The following KIAA1217 variants were observed in gnomAD, a reference collection of about 807,000 sequenced individuals.
KIAA1217 encodes the protein KIAA1217.
KIAA1217 carries 88 observed loss-of-function variants against 163.9 expected under a neutral mutation model. The ratio of observed to expected loss-of-function variants is 0.54; its 90% CI spans 0.45 to 0.64. The LOEUF (loss-of-function observed/expected upper bound fraction) is 0.64, where lower values mean the gene tolerates loss of function less well. KIAA1217 is among the 30% of genes least tolerant of loss of function. KIAA1217 has a pLI of 0.00. For synonymous variants in KIAA1217, 903 were observed against 923.1 expected (o/e 0.98, Z 0.39); for missense variants, 2,372 against 2,475.0 (o/e 0.96, Z 0.88).
chr10:24,211,065 C>A (rs542923904), intron 1 of KIAA1217, among the ~76,000 whole-genome samples: 4 of 151,728 alleles, frequency 2.6e-5, no homozygotes, highest in Admixed American at 6.6e-5. Context: ...TATCTGGCAA[C>A]CCTATTTGAT....
intron 2 of KIAA1217, among the ~76,000 whole-genome samples, chr10:24,247,915 C>T (rs776678451): frequency 5.9e-5 from 9 of 152,210 alleles, no homozygotes; most frequent in Non-Finnish European, 8.8e-5. Flanking sequence ...TTTATATTGT[C>T]ATCATATGCA....
intron 2 of KIAA1217, among the ~76,000 whole-genome samples, chr10:24,028,056 A>G (rs1236342970): frequency 1.3e-5 from 2 of 152,160 alleles, no homozygotes; most frequent in Non-Finnish European, 2.9e-5. Flanking sequence ...CTGGCATATC[A>G]TAAACATATA....
chr10:24,407,277 TGTGTGTGTGCGTGC>T (rs1371230560), intron 3 of KIAA1217, among the ~76,000 whole-genome samples: 1 of 151,968 alleles, frequency 6.6e-6, no homozygotes, highest in African/African-American at 2.4e-5. Flanking sequence ...TGTGTGTGTG[TGTGTGTGTGCGTGC>T]GTGTGCGTGC....
At chr10:23,715,964 A>G (rs1045339869) in intron 1 of KIAA1217, among the ~76,000 whole-genome samples, 2 of 152,150 alleles carry the variant, frequency 1.3e-5, no homozygotes, top group Non-Finnish European at 2.9e-5. Flanking sequence ...TAATGGTCGA[A>G]TTTTTGCCTT....
intron 2 of KIAA1217, among the ~76,000 whole-genome samples, chr10:24,225,015 A>G (rs2130953890): frequency 6.6e-6 from 1 of 151,916 alleles, no homozygotes; most frequent in East Asian, 1.9e-4. Flanking sequence ...TTTAGTAGAG[A>G]CGGGGTTCAC....
At chr10:24,109,880 G>T (rs563034059) in intron 2 of KIAA1217, among the ~76,000 whole-genome samples, 1 of 152,312 alleles carries the variant, frequency 6.6e-6, no homozygotes, top group Non-Finnish European at 1.5e-5. Flanking sequence ...GTTTGTTGTT[G>T]TTTGAGACAA....
At chr10:23,807,493 A>G (rs1836797606) in intron 1 of KIAA1217, among the ~76,000 whole-genome samples, 1 of 152,242 alleles carries the variant, frequency 6.6e-6, no homozygotes, top group Non-Finnish European at 1.5e-5. Flanking sequence ...GTGTGGCTAC[A>G]GGTCAAGTTT....
intron 1 of KIAA1217, among the ~76,000 whole-genome samples, chr10:23,698,765 G>T (rs1408073825): frequency 6.6e-6 from 1 of 152,122 alleles, no homozygotes; most frequent in East Asian, 1.9e-4. Flanking sequence ...TCCAGGGGCA[G>T]TCTAACGGAT....
At chr10:23,900,881 C>A (rs1335298091) in intron 1 of KIAA1217, among the ~76,000 whole-genome samples, 4 of 151,984 alleles carry the variant, frequency 2.6e-5, no homozygotes, top group Non-Finnish European at 4.4e-5. Flanking sequence ...TACTCACCTG[C>A]AAAATGAATT....
intron 2 of KIAA1217, among the ~76,000 whole-genome samples, chr10:24,010,401 T>C (rs2131488217): frequency 6.6e-6 from 1 of 152,246 alleles, no homozygotes; most frequent in Non-Finnish European, 1.5e-5. Flanking sequence ...CTACCTTTGT[T>C]CAACCCATCT....
chr10:23,747,699 A>C (rs777293422), intron 1 of KIAA1217, among the ~76,000 whole-genome samples: 3 of 152,222 alleles, frequency 2.0e-5, no homozygotes, highest in Admixed American at 2.0e-4. Flanking sequence ...AGAAAGATAC[A>C]GAGAACTAAA....
At chr10:24,361,938 G>A (rs1381269290) in intron 2 of KIAA1217, among the ~76,000 whole-genome samples, 16 of 143,042 alleles carry the variant, frequency 1.1e-4, no homozygotes, top group Admixed American at 8.7e-4. Flanking sequence ...CTGCAAGATC[G>A]GGCCACTGCA....
chr10:24,370,001 C>T (rs1183121428), intron 2 of KIAA1217, among the ~76,000 whole-genome samples: 1 of 152,200 alleles, frequency 6.6e-6, no homozygotes, highest in Non-Finnish European at 1.5e-5. Flanking sequence ...CGCGGCGGCT[C>T]ACGCCTGTAA....
intron 1 of KIAA1217, among the ~76,000 whole-genome samples, chr10:23,923,848 A>T (rs1233087888): frequency 6.6e-6 from 1 of 152,230 alleles, no homozygotes; most frequent in Non-Finnish European, 1.5e-5. Context: ...TTTATTGAAA[A>T]TTTTAAATTG....
intron 2 of KIAA1217, among the ~76,000 whole-genome samples, chr10:24,238,297 A>T (rs1207356939): frequency 6.6e-6 from 1 of 152,172 alleles, no homozygotes; most frequent in Admixed American, 6.5e-5. Flanking sequence ...CATTATGATA[A>T]ACTCCTATGG....
intron 1 of KIAA1217, among the ~76,000 whole-genome samples, chr10:23,723,152 C>T (rs952570272): frequency 2.6e-5 from 4 of 152,092 alleles, no homozygotes; most frequent in Admixed American, 1.3e-4. Context: ...AGCTCATGGC[C>T]GTGACCACTT....
At chr10:23,930,390 G>A (rs1382817277) in intron 1 of KIAA1217, among the ~76,000 whole-genome samples, 1 of 152,078 alleles carries the variant, frequency 6.6e-6, no homozygotes, top group Admixed American at 6.6e-5. Flanking sequence ...AAATATGCAA[G>A]CTAAAAAATT....
chr10:23,958,916 G>T (rs1365308353), intron 1 of KIAA1217, among the ~76,000 whole-genome samples: 2 of 149,946 alleles, frequency 1.3e-5, no homozygotes, highest in Non-Finnish European at 3.0e-5. Flanking sequence ...ACTTCTTTTA[G>T]GTGCTAGTAG....
At chr10:24,434,545 C>T (rs77772236) in intron 4 of KIAA1217, among the ~76,000 whole-genome samples, 10,849 of 152,252 alleles carry the variant, frequency 0.071, 573 homozygotes, top group East Asian at 0.16. Flanking sequence ...CTATGTTACC[C>T]AGGCTGGTCT....
Sources: gnomAD v4.1 joint callset for allele counts (sites outside exome capture counted in the v4.1 genomes callset) on GRCh38, gnomAD v4.1.1 for gene constraint, MANE v1.5 for transcripts, NCBI Gene and HGNC (gene_info 2026-07-23, HGNC 2026-07-21) for gene names.